ST6GALNAC3: variants seen among roughly 807,000 people sequenced by gnomAD.
ST6GALNAC3 encodes the protein alpha-N-acetylgalactosaminide alpha-2,6-sialyltransferase 3.
A neutral mutation model predicts 32.7 loss-of-function variants in ST6GALNAC3; 25 were observed. The observed-to-expected ratio is 0.76, with a 90% CI of 0.56 to 1.07. The LOEUF (loss-of-function observed/expected upper bound fraction) is 1.07. Ranked by LOEUF, ST6GALNAC3 falls within the 50% of genes least tolerant of loss-of-function variation. ST6GALNAC3 has a pLI of 0.00. For missense variants in ST6GALNAC3, 355 were observed against 382.4 expected, an observed-to-expected ratio of 0.93 and a Z score of 0.60; for synonymous variants, 129 against 133.1, an observed-to-expected ratio of 0.97 and a Z score of 0.21.
At chr1:76,272,282 C>A (rs1028590114) in intron 1 of ST6GALNAC3, among the ~76,000 whole-genome samples, 2 of 146,260 alleles carry the variant, frequency 1.4e-5, no homozygotes, top group Admixed American at 7.0e-5. Context: ...GAGATCGCGC[C>A]ACTGCATTTC....
chr1:76,236,786 G>A (rs1186724855), intron 1 of ST6GALNAC3, among the ~76,000 whole-genome samples: 1 of 152,176 alleles, frequency 6.6e-6, no homozygotes, highest in African/African-American at 2.4e-5. Context: ...TCCGTATAAT[G>A]TATTGAGTTT....
chr1:76,186,024 A>G (rs1400463561), intron 1 of ST6GALNAC3, among the ~76,000 whole-genome samples: 1 of 152,180 alleles, frequency 6.6e-6, no homozygotes, highest in Non-Finnish European at 1.5e-5. Flanking sequence ...GAGCATCTGC[A>G]GATTTTTGTA....
chr1:76,221,670 T>C (rs746675484), intron 1 of ST6GALNAC3, among the ~76,000 whole-genome samples: 6 of 152,176 alleles, frequency 3.9e-5, no homozygotes, highest in Non-Finnish European at 5.9e-5. Flanking sequence ...TTTTCTTTCA[T>C]TTCAGATGTT....
At chr1:76,163,002 C>T (rs1030739738) in intron 1 of ST6GALNAC3, among the ~76,000 whole-genome samples, 4 of 152,164 alleles carry the variant, frequency 2.6e-5, no homozygotes, top group African/African-American at 7.2e-5. Flanking sequence ...AAAAGTCCTG[C>T]GTGGGTCTTG....
intron 1 of ST6GALNAC3, among the ~76,000 whole-genome samples, chr1:76,234,415 G>C (rs1656534363): frequency 1.3e-5 from 2 of 152,212 alleles, no homozygotes; most frequent in African/African-American, 4.8e-5. Context: ...TTTCTCAAAG[G>C]ACTGAGTCTT....
intron 3 of ST6GALNAC3, among the ~76,000 whole-genome samples, chr1:76,575,339 G>C (rs1026651298): frequency 6.6e-6 from 1 of 152,044 alleles, no homozygotes. Flanking sequence ...TTATGCCCTT[G>C]GTGGCCAGTC....
At chr1:76,636,146 A>T (rs1431426159), downstream of ST6GALNAC3, among the ~76,000 whole-genome samples, 2 of 152,176 alleles carry the variant, frequency 1.3e-5, no homozygotes, top group Admixed American at 6.5e-5. Context: ...GGAACAATAT[A>T]TTGCTCTAGG....
chr1:76,627,347 CTA>C, intron 3 of ST6GALNAC3, 103 bp from the exon 4 acceptor site: 1 of 726,296 alleles, frequency 1.4e-6, no homozygotes, highest in Non-Finnish European at 2.4e-6. Context: ...ATAACAAGTG[CTA>C]TGTTTTTGAT....
At chr1:76,556,049 T>C (rs178354) in intron 3 of ST6GALNAC3, among the ~76,000 whole-genome samples, 9,239 of 152,078 alleles carry the variant, frequency 0.061, 964 homozygotes, top group African/African-American at 0.21. Context: ...CTAATAACCC[T>C]AGCTGTAAGC....
chr1:76,493,642 T>C (rs771894505), intron 3 of ST6GALNAC3, among the ~76,000 whole-genome samples: 1 of 152,148 alleles, frequency 6.6e-6, no homozygotes, highest in African/African-American at 2.4e-5. Context: ...ATAGATGTTA[T>C]CTCCCCAGAA....
At chr1:76,126,482 G>A (rs1469389357) in intron 1 of ST6GALNAC3, among the ~76,000 whole-genome samples, 2 of 131,250 alleles carry the variant, frequency 1.5e-5, no homozygotes, top group East Asian at 2.2e-4. Flanking sequence ...CTTTCATGAC[G>A]AATGAATATA....
In ST6GALNAC3 at chr1:76,317,181, A is replaced by G. The variant is rs116256971; in HGVS notation, c.213+3182A>G. On this transcript the variant is annotated intron_variant, in intron 2 of 4. Transcript: ENST00000328299. Reference sequence around the variant, plus strand: ...GAAAATAAAAACTTTGTGACTTTTTACCACCCTTCTCAATGATTTCATCCT... The same window carrying G: ...GAAAATAAAAACTTTGTGACTTTTTGCCACCCTTCTCAATGATTTCATCCT... Among the ~76,000 whole-genome samples, 254 of 152,214 alleles carry G rather than the reference A, an allele frequency of 1.7e-3. 1 individual carries two copies. Among genetic ancestry groups the G allele is most frequent in the African/African-American group, 5.7e-3 (238 of 41,550 alleles).
intron 3 of ST6GALNAC3, among the ~76,000 whole-genome samples, chr1:76,515,234 A>G (rs1395193175): frequency 2.0e-5 from 3 of 152,054 alleles, no homozygotes; most frequent in African/African-American, 4.8e-5. Flanking sequence ...TTTCTTCATA[A>G]TTTAATCTTA....
intron 3 of ST6GALNAC3, among the ~76,000 whole-genome samples, chr1:76,563,735 A>G (rs1184357634): frequency 2.0e-5 from 3 of 152,218 alleles, no homozygotes; most frequent in Non-Finnish European, 4.4e-5. Flanking sequence ...TGATTTTATT[A>G]TGAAAATATA....
intron 1 of ST6GALNAC3, among the ~76,000 whole-genome samples, chr1:76,162,020 C>T (rs1051092713): frequency 1.4e-4 from 21 of 152,148 alleles, no homozygotes; most frequent in African/African-American, 4.6e-4. Flanking sequence ...AAATTGGGGA[C>T]AGGGCCAGGC....
intron 3 of ST6GALNAC3, among the ~76,000 whole-genome samples, chr1:76,448,811 T>C (rs1657174274): frequency 6.6e-6 from 1 of 152,110 alleles, no homozygotes; most frequent in African/African-American, 2.4e-5. Flanking sequence ...CATTAAAAGC[T>C]TTTTCCTATA....
chr1:76,458,590 A>T (rs1658027672), intron 3 of ST6GALNAC3, among the ~76,000 whole-genome samples: 2 of 148,684 alleles, frequency 1.3e-5, no homozygotes, highest in African/African-American at 2.5e-5. Flanking sequence ...TTGTAGGGAC[A>T]TGGATGAAAT....
chr1:76,291,442 C>G (rs899179388), intron 1 of ST6GALNAC3, among the ~76,000 whole-genome samples: 1 of 152,164 alleles, frequency 6.6e-6, no homozygotes, highest in Non-Finnish European at 1.5e-5. Context: ...CCAGCCCAGC[C>G]GGGACACTCC....
chr1:76,409,566 C>A (rs951288165), intron 2 of ST6GALNAC3, among the ~76,000 whole-genome samples: 3 of 151,938 alleles, frequency 2.0e-5, no homozygotes, highest in Non-Finnish European at 4.4e-5. Context: ...TAGCTAAATG[C>A]CCAGCAGTAG....
Sources: gnomAD v4.1 joint callset for allele counts (sites outside exome capture counted in the v4.1 genomes callset) on GRCh38, gnomAD v4.1.1 for gene constraint, MANE v1.5 for transcripts, NCBI Gene and HGNC (gene_info 2026-07-23, HGNC 2026-07-21) for gene names.